DFFA: variants seen among roughly 807,000 people sequenced by gnomAD.
DFFA encodes the protein DFF45.
A neutral mutation model predicts 28.0 loss-of-function variants in DFFA; 14 were observed. That is an observed-to-expected ratio of 0.50 (90% CI 0.33 to 0.78). The LOEUF (loss-of-function observed/expected upper bound fraction) is 0.78, where lower values mean the gene tolerates loss of function less well. DFFA is among the 30% of genes least tolerant of loss of function. DFFA has a pLI of 0.02. For missense variants in DFFA, 395 were observed against 407.1 expected, an observed-to-expected ratio of 0.97 and a Z score of 0.26; for synonymous variants, 158 against 170.3, an observed-to-expected ratio of 0.93 and a Z score of 0.56.
At chr1:10,467,771 A>G (rs1193663950) in intron 2 of DFFA, among the ~76,000 whole-genome samples, 1 of 152,140 alleles carries the variant, frequency 6.6e-6, no homozygotes, top group African/African-American at 2.4e-5. Flanking sequence ...TCGGTCTCCC[A>G]AAGTGCTGGG....
At chr1:10,462,629 T>G (rs1023291458) in intron 5 of DFFA, 2 of 1,015,764 alleles carry the variant, frequency 2.0e-6, no homozygotes, top group African/African-American at 1.7e-5. Flanking sequence ...CCCAGGCAGG[T>G]TCCCTTCCTC....
chr1:10,463,532 T>C lies in DFFA; in HGVS notation c.530A>G (p.Gln177Arg). Residue 177 changes from glutamine to arginine, a missense_variant, in exon 4 of 6, where the codon CAG becomes CGG. Coordinates refer to ENST00000377038, the MANE Select transcript of DFFA (RefSeq NM_004401.3). ...CACTTCCTCTCTTTGGTCAAGCACC[T>C]GTTGGAGTGTGTGCTGCAGCCGCTG... is the stretch of plus-strand genomic sequence containing the variant. ...TVQRLQHTLQ[Q>R]VLDQREEVRQ... 2 of 1,614,202 alleles carry C rather than the reference T, an allele frequency of 1.2e-6. No homozygotes were observed. Among genetic ancestry groups the C allele is most frequent in the Middle Eastern group, 1.6e-4 (1 of 6,062 alleles).
chr1:10,463,696 G>A (rs1640983489), intron 3 of DFFA, 76 bp from the exon 4 acceptor site: 4 of 1,437,226 alleles, frequency 2.8e-6, no homozygotes, highest in Non-Finnish European at 3.7e-6. Context: ...GACGGAGTCT[G>A]CTCTGTTGCC....
chr1:10,467,213 G>GGAT lies in DFFA; in HGVS notation c.415_417dup (p.Ile139dup). On this transcript the variant is annotated inframe_insertion, in exon 3 of 6. Transcript: ENST00000377038. ...ACCTGGAGGTCCTCCTCTGATAGGA[G>GGAT]GATGATGCTGGACAGATCTTCTTTC... 1 of 1,614,124 alleles carries GGAT rather than the reference G, an allele frequency of 6.2e-7. No individual in the cohort carries two copies. Among genetic ancestry groups the GGAT allele is most frequent in the Non-Finnish European group, 8.5e-7 (1 of 1,180,036 alleles).
intron 3 of DFFA, among the ~76,000 whole-genome samples, chr1:10,466,683 G>A (rs1341313187): frequency 5.3e-5 from 8 of 151,816 alleles, no homozygotes; most frequent in South Asian, 4.2e-4. Flanking sequence ...AAATCTGGCC[G>A]GGCACGGTGG....
At chr1:10,462,062 G>C (rs1008170613) in intron 5 of DFFA, among the ~76,000 whole-genome samples, 1 of 152,178 alleles carries the variant, frequency 6.6e-6, no homozygotes, top group Non-Finnish European at 1.5e-5. Flanking sequence ...GTTTCACCGT[G>C]TTCGCCAGGA....
In DFFA at chr1:10,463,149, G is replaced by T. The variant is rs762959816; in HGVS notation, c.692C>A (p.Thr231Asn). Reference protein sequence around the residue: ...DAVDTGISRETSSDVALASHI... With the variant: ...DAVDTGISRENSSDVALASHI... The stretch of plus-strand genomic sequence containing the variant: ...GCTCGCCAGCGCAACGTCCGAGGAG[G>T]TCTCTCTGCTGATACCCGTGTCTAC... Residue 231 changes from threonine (T) to asparagine (N), a missense_variant, in exon 5 of 6, where the codon ACC (threonine) becomes AAC (asparagine). By Grantham distance (65) the Thr-to-Asn change is moderately conservative. Transcript: ENST00000377038. 3 of 1,614,122 alleles carry T rather than the reference G, an allele frequency of 1.9e-6. No individual in the cohort carries two copies. Among genetic ancestry groups the T allele is most frequent in the Admixed American group, 3.3e-5 (2 of 60,008 alleles).
rs1305738852 is a variant in DFFA at position 10,467,138 on chromosome 1, C to CG, written c.441+51dup. 2.2e-5 allele frequency: 35 copies of CG among 1,604,982 alleles called. 1 individual carries two copies. In the Middle Eastern group the frequency reaches 4.7e-3, roughly 217 times the overall value. On this transcript the variant is annotated intron_variant, in intron 3 of 5. Transcript: ENST00000377038. ...TATGGAAGCTAAGAAGGTGCTGGGG[C>CG]GGGGGGCAGAGGCTGGATGAACATT...
intron 5 of DFFA, 175 bp downstream of exon 5, chr1:10,462,882 AT>A: frequency 1.4e-5 from 20 of 1,417,994 alleles, no homozygotes; most frequent in Non-Finnish European, 1.8e-5. Context: ...CTTTAAAGCT[AT>A]TTTGATTTAG....
intron 5 of DFFA, chr1:10,462,000 GC>G: frequency 3.3e-6 from 1 of 307,678 alleles, no homozygotes; most frequent in Non-Finnish European, 4.8e-6. Context: ...GACTACAGGT[GC>G]CCACGACCAC....
rs1640923814 is a variant in DFFA at position 10,461,028 on chromosome 1, C to T, written c.*462G>A. On this transcript the variant is annotated 3_prime_UTR_variant, in exon 6 of 6. Transcript: ENST00000377038. ...GGTTCATGCCATTCTCCTGCCTCAG[C>T]CTCCCAAGTAGCTGGGATTACAGGC... 1 of 155,612 alleles carries T rather than the reference C, an allele frequency of 6.4e-6. No homozygotes were observed. Among genetic ancestry groups the T allele is most frequent in the South Asian group, 2.0e-4 (1 of 5,096 alleles). The allele number at this position is 155,612 out of a possible 1,614,324, so 9.6% of individuals were successfully genotyped here.
chr1:10,463,901 G>A (rs1640986410), intron 3 of DFFA, among the ~76,000 whole-genome samples: 2 of 151,976 alleles, frequency 1.3e-5, no homozygotes, highest in Non-Finnish European at 2.9e-5. Context: ...CTGACCTCAG[G>A]TGATCCACCC....
Position 10,472,354 on chromosome 1 carries a change from G to C in DFFA, c.105C>G (p.Ala35=), listed in dbSNP as rs1287907048. The C allele has an allele frequency of 6.2e-7, 1 of 1,608,170 alleles. No individual in the cohort carries two copies. The highest frequency in any genetic ancestry group is 8.5e-7 in the Non-Finnish European group (1 of 1,176,662). ...TCCTCAGGTCTTCGAGGCAGGAGGC[G>C]GCCACGCCGTGCTGTTCGCGGCTGT... is the stretch of plus-strand genomic sequence containing the variant. ...RNYSREQHGV[A]ASCLEDLRSK... is the part of the protein sequence containing the mutation. Residue 35 remains alanine, a synonymous_variant, in exon 1 of 6, where the codon GCC becomes GCG. Coordinates refer to ENST00000377038, the MANE Select transcript of DFFA (RefSeq NM_004401.3). The surrounding 1 kb of genome is among the most constrained non-coding windows in gnomAD (Gnocchi z 5.0).
Position 10,456,860 on chromosome 1 carries a change from CCT to C in DFFA, c.*4628_*4629del, listed in dbSNP as rs1640869001. The C allele has an allele frequency of 6.6e-6, 1 of 152,138 alleles. No homozygotes were observed. The highest frequency in any genetic ancestry group is 1.5e-5 in the Non-Finnish European group (1 of 68,030). 9.4% of individuals were successfully genotyped at this position (152,138 alleles called of 1,614,324 possible). On this transcript the variant is annotated 3_prime_UTR_variant, in exon 6 of 6. Transcript: ENST00000377038. ...TACCACAAGAACGGGCATGCCCTGCCCTCTCTCACTCCTATTTTTAGACGTAT... is the reference window on the plus strand; with the variant it reads ...TACCACAAGAACGGGCATGCCCTGCCCTCTCACTCCTATTTTTAGACGTAT...
At chr1:10,470,700 C>T (rs1178726529) in intron 1 of DFFA, among the ~76,000 whole-genome samples, 4 of 148,632 alleles carry the variant, frequency 2.7e-5, no homozygotes, top group African/African-American at 9.8e-5. Flanking sequence ...GCTGGGATTA[C>T]AGGTGTGAGC....
rs985204457 is a variant in DFFA at position 10,463,615 on chromosome 1, A to C, written c.447T>G (p.Leu149=). The change falls in exon 4 of 6, where the codon CTT becomes CTG. Residue 149 remains leucine, a synonymous_variant. Transcript: ENST00000377038. ...CCAGGTCTGAGCAGGGAGCGTCAAC[A>C]AGCATCTAACAAACAAACACAGACG... is the stretch of plus-strand genomic sequence containing the variant. ...ILLSEEDLQM[L]VDAPCSDLAQ... 2.5e-6 allele frequency: 4 copies of C among 1,609,640 alleles called. No individual in the cohort carries two copies. The highest frequency in any genetic ancestry group is 2.5e-6 in the Non-Finnish European group (3 of 1,178,892).
chr1:10,470,330 C>T (rs1570111272), intron 1 of DFFA, among the ~76,000 whole-genome samples: 1 of 151,992 alleles, frequency 6.6e-6, no homozygotes, highest in Non-Finnish European at 1.5e-5. Context: ...GTATGGTAGG[C>T]ATTTGAGTTT....
intron 3 of DFFA, among the ~76,000 whole-genome samples, chr1:10,465,977 TAA>T (rs555279822): frequency 9.6e-5 from 12 of 124,982 alleles, no homozygotes; most frequent in African/African-American, 1.2e-4. Flanking sequence ...CTACAAAAAT[TAA>T]AAAAAAAAAA....
intron 3 of DFFA, 62 bp downstream of exon 3, chr1:10,467,128 G>C: frequency 6.3e-7 from 1 of 1,589,996 alleles, no homozygotes; most frequent in Non-Finnish European, 8.6e-7. Context: ...AAGCTAAGAA[G>C]GTGCTGGGGC....
Sources: allele counts gnomAD v4.1 joint callset (sites outside exome capture counted in the v4.1 genomes callset), GRCh38; gene constraint gnomAD v4.1.1; non-coding constraint Gnocchi (gnomAD v3.1); transcripts MANE v1.5; gene names NCBI Gene and HGNC (gene_info 2026-07-23, HGNC 2026-07-21).